Variants in DCC observed in about 807,000 individuals in gnomAD.
The protein encoded by DCC is DCC netrin 1 receptor.
DCC carries 58 observed loss-of-function variants against 172.5 expected under a neutral mutation model. The ratio of observed to expected loss-of-function variants is 0.34; its 90% CI spans 0.27 to 0.42. DCC has a LOEUF of 0.42. Ranked by LOEUF, DCC falls within the 10% of genes least tolerant of loss-of-function variation. The probability of loss-of-function intolerance (pLI) is 1.00; values close to 1 mark genes in which losing one functional copy is unlikely to be tolerated. For missense variants in DCC, 1,740 were observed against 1,791.0 expected, an observed-to-expected ratio of 0.97 and a Z score of 0.51; for synonymous variants, 709 against 644.5, an observed-to-expected ratio of 1.10 and a Z score of -1.52.
intron 1 of DCC, among the ~76,000 whole-genome samples, chr18:52,462,297 C>T (rs1420050670): frequency 6.6e-6 from 1 of 152,152 alleles, no homozygotes; most frequent in Non-Finnish European, 1.5e-5. Flanking sequence ...TTTCCTCATT[C>T]AGAACCCTCC....
intron 15 of DCC, among the ~76,000 whole-genome samples, chr18:53,349,771 T>C (rs2057767781): frequency 6.6e-6 from 1 of 152,150 alleles, no homozygotes; most frequent in African/African-American, 2.4e-5. Context: ...ACGAGAGCAA[T>C]GCAGGAAAGT....
At chr18:52,727,338 A>G (rs969882850) in intron 1 of DCC, among the ~76,000 whole-genome samples, 9 of 152,188 alleles carry the variant, frequency 5.9e-5, no homozygotes, top group African/African-American at 2.2e-4. Flanking sequence ...TTCTGAGACC[A>G]TTCTGGGCTA....
intron 1 of DCC, among the ~76,000 whole-genome samples, chr18:52,395,551 G>A (rs923229850): frequency 1.3e-5 from 2 of 152,002 alleles, no homozygotes; most frequent in Non-Finnish European, 2.9e-5. Flanking sequence ...ATTTAATCAG[G>A]AGAAGATTTA....
At chr18:52,698,872 G>A (rs2036057275) in intron 1 of DCC, among the ~76,000 whole-genome samples, 1 of 150,730 alleles carries the variant, frequency 6.6e-6, no homozygotes, top group Non-Finnish European at 1.5e-5. Context: ...GCCTCCCAAA[G>A]TGCTGGGATT....
At chr18:52,888,453 T>TA (rs1397321227) in intron 2 of DCC, among the ~76,000 whole-genome samples, 1 of 152,138 alleles carries the variant, frequency 6.6e-6, no homozygotes, top group Non-Finnish European at 1.5e-5. Flanking sequence ...TGAATCATAT[T>TA]AAAAAATCTG....
At chr18:53,433,573 A>T (rs988868452) in intron 21 of DCC, among the ~76,000 whole-genome samples, 1 of 152,122 alleles carries the variant, frequency 6.6e-6, no homozygotes, top group Non-Finnish European at 1.5e-5. Context: ...ATTTATGTAG[A>T]GCTTCCACCT....
chr18:52,852,840 C>A (rs1321993928), intron 2 of DCC, among the ~76,000 whole-genome samples: 2 of 152,114 alleles, frequency 1.3e-5, no homozygotes, highest in Non-Finnish European at 2.9e-5. Flanking sequence ...TAAATTCTTA[C>A]TATGGAAATT....
chr18:53,176,448 C>T (rs918472661), intron 8 of DCC, among the ~76,000 whole-genome samples: 1 of 148,656 alleles, frequency 6.7e-6, no homozygotes, highest in East Asian at 1.9e-4. Flanking sequence ...GGGCTAATAT[C>T]CAGTATCTAC....
chr18:52,939,515 A>T (rs977499151), intron 5 of DCC, among the ~76,000 whole-genome samples: 1 of 152,186 alleles, frequency 6.6e-6, no homozygotes, highest in African/African-American at 2.4e-5. Context: ...AAAAACATAT[A>T]AATAAATAAA....
chr18:53,310,627 A>C lies in DCC; in HGVS notation c.2053+4908A>C, dbSNP rs2057254772. ...CGTTTTTAATTTTTGACTGCTCTTC[A>C]GGGAAGGTTGTTTGAATTGAATTTA... On this transcript the variant is annotated intron_variant, in intron 13 of 28. Transcript: ENST00000442544. 1.3e-5 allele frequency among the ~76,000 whole-genome samples: 2 copies of C among 152,148 alleles called. 1 individual carries two copies. Among genetic ancestry groups the C allele is most frequent in the East Asian group, 3.8e-4 (2 of 5,198 alleles).
At chr18:52,994,529 G>T (rs371307028) in intron 5 of DCC, among the ~76,000 whole-genome samples, 3 of 152,146 alleles carry the variant, frequency 2.0e-5, no homozygotes, top group African/African-American at 7.2e-5. Flanking sequence ...ACTTCAGTGA[G>T]TCAGTGTGTT....
At position 53,527,090 on chromosome 18, in the gene DCC, C is replaced by CGTGT. The variant is rs200516080; in HGVS notation, c.4254+374_4254+377dup. The CGTGT allele has an allele frequency of 2.4e-3, 483 of 204,800 alleles. 1 individual carries two copies. The highest frequency in any genetic ancestry group is 2.8e-3 in the Non-Finnish European group (280 of 99,452). The allele number at this position is 204,800 out of a possible 1,614,324, so 12.7% of individuals were successfully genotyped here. A position where few individuals can be genotyped will look rare whatever the true frequency, so the allele number is the denominator to read the frequency against. The stretch of plus-strand genomic sequence containing the variant: ...TATACACATGATATACACATGGATA[C>CGTGT]GTGTGTGTGTGTGTGTGTGTGTGTG... On this transcript the variant is annotated intron_variant, in intron 28 of 28. Coordinates refer to ENST00000442544, the MANE Select transcript of DCC (RefSeq NM_005215.4).
chr18:52,898,558 G>A (rs528966950), intron 2 of DCC, among the ~76,000 whole-genome samples: 39 of 152,220 alleles, frequency 2.6e-4, no homozygotes, highest in African/African-American at 5.1e-4. Flanking sequence ...ATTTCTTGTC[G>A]TCTATGCAGT....
chr18:52,610,181 ATATATATATATAT>A (rs2034241226), intron 1 of DCC, among the ~76,000 whole-genome samples: 16 of 9,896 alleles, frequency 1.6e-3, no homozygotes, highest in Non-Finnish European at 2.2e-3. Flanking sequence ...AAAAAAAAAT[ATATATATATATAT>A]ATATATATAT....
At chr18:52,378,748 A>G (rs115427343) in intron 1 of DCC, among the ~76,000 whole-genome samples, 1 of 151,986 alleles carries the variant, frequency 6.6e-6, no homozygotes, top group East Asian at 1.9e-4. Flanking sequence ...GGGTTTTGTC[A>G]TGTAGCCCAG....
intron 2 of DCC, among the ~76,000 whole-genome samples, chr18:52,820,792 G>T (rs955161829): frequency 6.6e-6 from 1 of 152,142 alleles, no homozygotes; most frequent in African/African-American, 2.4e-5. Context: ...CATTGTTCAA[G>T]TCTAACCTCA....
At chr18:52,389,493 A>C (rs935124133) in intron 1 of DCC, among the ~76,000 whole-genome samples, 1 of 152,202 alleles carries the variant, frequency 6.6e-6, no homozygotes, top group East Asian at 1.9e-4. Context: ...TTTACAGAGC[A>C]CAGGTCAATA....
chr18:53,405,047 G>T (rs878984021), intron 19 of DCC, among the ~76,000 whole-genome samples: 4 of 152,064 alleles, frequency 2.6e-5, no homozygotes, highest in African/African-American at 9.7e-5. Context: ...GAATTTCTGT[G>T]TCATGTGTAT....
intron 16 of DCC, among the ~76,000 whole-genome samples, chr18:53,386,516 A>G (rs1908179041): frequency 6.6e-6 from 1 of 152,152 alleles, no homozygotes. Flanking sequence ...CCCTGCATAA[A>G]GGTTGCCAAA....
Sources: gnomAD v4.1 joint callset for allele counts (sites outside exome capture counted in the v4.1 genomes callset) on GRCh38, gnomAD v4.1.1 for gene constraint, MANE v1.5 for transcripts, NCBI Gene and HGNC (gene_info 2026-07-23, HGNC 2026-07-21) for gene names.